Variants in ATCAY observed in about 807,000 individuals in gnomAD.
ATCAY encodes the protein ATCAY kinesin light chain interacting caytaxin, also known as caytaxin.
In ATCAY, 22 loss-of-function variants were observed where a neutral mutation model predicts 47.7. That is an observed-to-expected ratio of 0.46 (90% CI 0.33 to 0.66). The LOEUF (loss-of-function observed/expected upper bound fraction) is 0.66. ATCAY is among the 30% of genes least tolerant of loss of function. The pLI, the probability that ATCAY is intolerant of heterozygous loss-of-function variation, is 0.02. For synonymous variants in ATCAY, 216 were observed against 207.6 expected (o/e 1.04, Z -0.35); for missense variants, 452 against 515.0 (o/e 0.88, Z 1.18).
chr19:3,897,326 G>A (rs992628822), intron 2 of ATCAY, among the ~76,000 whole-genome samples: 5 of 142,624 alleles, frequency 3.5e-5, no homozygotes, highest in East Asian at 2.0e-4. Flanking sequence ...TATCTATATC[G>A]CCTCGCTCTG....
intron 10 of ATCAY, among the ~76,000 whole-genome samples, chr19:3,918,590 C>G (rs973472527): frequency 6.6e-6 from 1 of 151,868 alleles, no homozygotes; most frequent in Non-Finnish European, 1.5e-5. Context: ...CTTTATCATG[C>G]CAGGTCCAAT....
intron 1 of ATCAY, 118 bp from the exon 2 acceptor site, chr19:3,885,609 A>C: frequency 2.3e-6 from 1 of 443,438 alleles, no homozygotes. Context: ...AGAGAGGGGG[A>C]GGGGAAGGGG....
chr19:3,920,703 G>A (rs890593117), intron 11 of ATCAY, 63 bp from the exon 12 acceptor site: 202 of 1,420,450 alleles, frequency 1.4e-4, no homozygotes, highest in Non-Finnish European at 1.8e-4. Context: ...AGAAAAAAAA[G>A]GGAAAATGCC....
At chr19:3,894,806 G>T (rs1189608709) in intron 2 of ATCAY, among the ~76,000 whole-genome samples, 1 of 151,350 alleles carries the variant, frequency 6.6e-6, no homozygotes, top group South Asian at 2.1e-4. Flanking sequence ...ATAATTAGCC[G>T]GGTGTGGTGG....
chr19:3,917,694 T>C, intron 9 of ATCAY, 48 bp from the exon 10 acceptor site: 2 of 1,605,600 alleles, frequency 1.2e-6, no homozygotes, highest in Non-Finnish European at 1.7e-6. Context: ...AAAAAGTATA[T>C]CTCAGGGGAA....
At chr19:3,897,783 C>T (rs1159598611) in intron 2 of ATCAY, among the ~76,000 whole-genome samples, 1 of 152,004 alleles carries the variant, frequency 6.6e-6, no homozygotes, top group Non-Finnish European at 1.5e-5. Flanking sequence ...TGGTGGGCGC[C>T]TATAATCACA....
intron 3 of ATCAY, among the ~76,000 whole-genome samples, chr19:3,903,132 G>A (rs8106370): frequency 0.12 from 18,187 of 151,888 alleles, 2,348 homozygotes; most frequent in African/African-American, 0.32. Context: ...CACCACCATG[G>A]CTGGCTAATT....
At chr19:3,887,556 G>T (rs1054510246) in intron 2 of ATCAY, among the ~76,000 whole-genome samples, 3 of 150,970 alleles carry the variant, frequency 2.0e-5, no homozygotes, top group Non-Finnish European at 2.9e-5. Flanking sequence ...GCGCGATCTT[G>T]GCTCACTGCA....
intron 2 of ATCAY, among the ~76,000 whole-genome samples, chr19:3,890,817 A>G (rs946200002): frequency 5.3e-5 from 8 of 152,172 alleles, no homozygotes; most frequent in African/African-American, 1.7e-4. Flanking sequence ...GCCTTTGCCA[A>G]CAGGACACTT....
chr19:3,908,447 G>T, intron 6 of ATCAY, 77 bp downstream of exon 6: 1 of 1,341,168 alleles, frequency 7.5e-7, no homozygotes, highest in East Asian at 2.5e-5. Flanking sequence ...AGGCTGCAAG[G>T]ATTGCATTGT....
chr19:3,883,608 AC>A (rs905827622), intron 1 of ATCAY, among the ~76,000 whole-genome samples: 29 of 152,088 alleles, frequency 1.9e-4, no homozygotes, highest in African/African-American at 7.0e-4. Flanking sequence ...GCTGAGCAGC[AC>A]CCCTGGCCTG....
At chr19:3,901,475 C>T (rs1270301653) in intron 2 of ATCAY, among the ~76,000 whole-genome samples, 1 of 151,900 alleles carries the variant, frequency 6.6e-6, no homozygotes, top group African/African-American at 2.4e-5. Context: ...ATACTTTTTG[C>T]TGCATTTGAG....
At chr19:3,918,384 CAAAA>C (rs59895158) in intron 10 of ATCAY, among the ~76,000 whole-genome samples, 1 of 140,780 alleles carries the variant, frequency 7.1e-6, no homozygotes, top group African/African-American at 2.6e-5. Flanking sequence ...GACTCTGTCT[CAAAA>C]AAAAAAAAAA....
intron 9 of ATCAY, among the ~76,000 whole-genome samples, chr19:3,916,751 T>G (rs28896275): frequency 0.17 from 26,215 of 151,924 alleles, 2,810 homozygotes; most frequent in African/African-American, 0.3. Flanking sequence ...GTGCTGGGAT[T>G]ACAGGCGTGA....
chr19:3,908,585 C>CTCCTCCTCCTCTTCCTCCTCCTCT (rs1174768193), intron 6 of ATCAY, among the ~76,000 whole-genome samples: 1 of 150,896 alleles, frequency 6.6e-6, no homozygotes, highest in Non-Finnish European at 1.5e-5. Flanking sequence ...CCCCGTCCTC[C>CTCCTCCTCCTCTTCCTCCTCCTCT]TCCTCCTCCT....
At chr19:3,908,693 C>A (rs1448342402) in intron 6 of ATCAY, among the ~76,000 whole-genome samples, 1 of 60,908 alleles carries the variant, frequency 1.6e-5, no homozygotes, top group Non-Finnish European at 3.7e-5. Flanking sequence ...CCTTCTTCCT[C>A]CCCCCTCCTC....
At chr19:3,895,634 G>GCATTCCCA (rs200731846) in intron 2 of ATCAY, among the ~76,000 whole-genome samples, 124 of 151,928 alleles carry the variant, frequency 8.2e-4, no homozygotes, top group African/African-American at 2.9e-3. Context: ...ACTCTCTTAG[G>GCATTCCCA]CATTCCCACC....
intron 11 of ATCAY, among the ~76,000 whole-genome samples, chr19:3,919,753 C>CAAA (rs60439580): frequency 3.6e-5 from 5 of 140,480 alleles, no homozygotes; most frequent in African/African-American, 1.1e-4. Flanking sequence ...GACCCTGTCT[C>CAAA]AAAAAAAAAA....
chr19:3,920,958 C>T (rs532673384), intron 12 of ATCAY, 160 bp downstream of exon 12: 48 of 838,080 alleles, frequency 5.7e-5, no homozygotes, highest in African/African-American at 2.7e-4. Flanking sequence ...CATGACTTAT[C>T]GGGAGTGGGG....
Sources: allele counts gnomAD v4.1 joint callset (sites outside exome capture counted in the v4.1 genomes callset), GRCh38; gene constraint gnomAD v4.1.1; transcripts MANE v1.5; gene names NCBI Gene and HGNC (gene_info 2026-07-23, HGNC 2026-07-21).